The following DYNC2H1 variants were observed in gnomAD, a reference collection of about 807,000 sequenced individuals.
The protein encoded by DYNC2H1 is dynein cytoplasmic 2 heavy chain 1.
Under a neutral mutation model 570.0 loss-of-function variants are expected in DYNC2H1, and 410 were observed. The observed-to-expected ratio is 0.72, with a 90% CI of 0.66 to 0.78. The LOEUF (loss-of-function observed/expected upper bound fraction) is 0.78. Among genes scored for constraint, DYNC2H1 ranks in the 30% least tolerant of loss-of-function variants. DYNC2H1 has a pLI of 0.00. For missense variants in DYNC2H1, 4,865 were observed against 5,046.4 expected, an observed-to-expected ratio of 0.96 and a Z score of 1.09; for synonymous variants, 1,688 against 1,677.6, an observed-to-expected ratio of 1.01 and a Z score of -0.15.
rs1240002930 is a variant in DYNC2H1, at chr11:103,287,423, T to C, written c.11023-110T>C. 6 of 844,382 alleles carry C rather than the reference T, an allele frequency of 7.1e-6. No homozygotes were observed. The East Asian group carries it at 1.3e-4, about 19-fold the overall frequency. The allele number at this position is 844,382 out of a possible 1,614,324, so 52.3% of individuals were successfully genotyped here. ...GTAAATAATATGGAACAATGATAAG[T>C]GTTCCCATATTTAGTAAACATTTGT... On this transcript the variant is annotated intron_variant, in intron 74 of 88. Transcript: ENST00000375735.
chr11:103,172,638 A>G (rs753315801), intron 34 of DYNC2H1, among the ~76,000 whole-genome samples: 112 of 151,986 alleles, frequency 7.4e-4, no homozygotes, highest in Non-Finnish European at 1.4e-3. Context: ...CATAATATTT[A>G]TTACACTATG....
At chr11:103,456,436 G>C (rs1348785514) in intron 87 of DYNC2H1, 80 bp downstream of exon 87, 7 of 1,144,722 alleles carry the variant, frequency 6.1e-6, no homozygotes, top group South Asian at 1.4e-5. Flanking sequence ...TGATCTCAAA[G>C]TGACCTATCT....
Position 103,369,344 on chromosome 11 carries a change from G to A in DYNC2H1, c.12156+10985G>A, listed in dbSNP as rs962771045. Among the ~76,000 whole-genome samples the A allele has an allele frequency of 1.3e-5, 2 of 152,188 alleles. No homozygotes were observed. The highest frequency in any genetic ancestry group is 2.9e-5 in the Non-Finnish European group (2 of 68,044). On this transcript the variant is annotated intron_variant, in intron 83 of 88. Transcript: ENST00000375735. The surrounding 1 kb of genome is among the most constrained non-coding windows in gnomAD (Gnocchi z 4.0). ...GCAAGCCTCACCAAAGCAGGCGGAA[G>A]TACTCTGGGGCTCTAAATAATCTTG...
At chr11:103,459,809 G>A (rs1030010226) in intron 87 of DYNC2H1, among the ~76,000 whole-genome samples, 12 of 151,046 alleles carry the variant, frequency 7.9e-5, no homozygotes, top group East Asian at 7.8e-4. Context: ...AAAATTAGCC[G>A]GGCGCGGTGG....
At chr11:103,429,032 G>A (rs1367120507) in intron 84 of DYNC2H1, among the ~76,000 whole-genome samples, 2 of 122,796 alleles carry the variant, frequency 1.6e-5, no homozygotes, top group African/African-American at 3.5e-5. Flanking sequence ...AGGCCAAGGC[G>A]GGCAGATCAC....
At position 103,256,291 on chromosome 11, in the gene DYNC2H1, G is replaced by C; in HGVS notation, c.10461+51G>C. The stretch of plus-strand genomic sequence containing the variant: ...CGTATTATGTTTTCTTGAACATTTA[G>C]GTTAATATGATAGAAAATGTAGAAT... On this transcript the variant is annotated intron_variant, in intron 68 of 88. Coordinates refer to ENST00000375735, the MANE Select transcript of DYNC2H1 (RefSeq NM_001377.3). The surrounding 1 kb of genome is among the most constrained non-coding windows in gnomAD (Gnocchi z 4.0). The C allele has an allele frequency of 6.6e-7, 1 of 1,508,134 alleles. No homozygotes were observed. Among genetic ancestry groups the C allele is most frequent in the Non-Finnish European group, 8.9e-7 (1 of 1,119,544 alleles). The allele number at this position is 1,508,134 out of a possible 1,614,324, so 93.4% of individuals were successfully genotyped here.
chr11:103,224,450 G>C (rs929435174), intron 59 of DYNC2H1, among the ~76,000 whole-genome samples: 2 of 152,060 alleles, frequency 1.3e-5, no homozygotes, highest in Admixed American at 6.6e-5. Context: ...TCATTCTTAC[G>C]CCTTTGCGTC....
intron 82 of DYNC2H1, among the ~76,000 whole-genome samples, chr11:103,348,491 T>C (rs1939869740): frequency 6.6e-6 from 1 of 152,156 alleles, no homozygotes; most frequent in South Asian, 2.1e-4. Context: ...TGATTTCTTT[T>C]TTATCAGTAT....
chr11:103,291,393 G>A (rs188036112), intron 75 of DYNC2H1, among the ~76,000 whole-genome samples: 5 of 152,196 alleles, frequency 3.3e-5, no homozygotes, highest in Admixed American at 6.5e-5. Context: ...AGCTGAGATC[G>A]TGTCACTGCA....
chr11:103,311,612 C>G lies in DYNC2H1; in HGVS notation c.11494-266C>G, dbSNP rs2566947. 0.11 allele frequency among the ~76,000 whole-genome samples: 16,467 copies of G among 151,758 alleles called. 1,531 individuals carry two copies. The highest frequency in any genetic ancestry group is 0.24 in the African/African-American group (9,998 of 41,366). ...GGAAAAAAAAAACCTCTCAATCATC[C>G]TATAAAACTTATTTGGTTATTTTGA... On this transcript the variant is annotated intron_variant, in intron 78 of 88. Transcript: ENST00000375735.
intron 88 of DYNC2H1, 111 bp downstream of exon 88, chr11:103,468,816 A>C: frequency 5.1e-6 from 4 of 779,274 alleles, no homozygotes; most frequent in Non-Finnish European, 7.9e-6. Flanking sequence ...TTCTAATCTC[A>C]CCTGCATTTG....
intron 87 of DYNC2H1, among the ~76,000 whole-genome samples, chr11:103,459,386 T>G (rs945791004): frequency 6.6e-6 from 1 of 151,852 alleles, no homozygotes; most frequent in African/African-American, 2.4e-5. Flanking sequence ...GTTTTCGTAT[T>G]ACTACTATTT....
Position 103,334,768 on chromosome 11 carries a change from A to G in DYNC2H1, c.12039+10778A>G, listed in dbSNP as rs1373750012. Among the ~76,000 whole-genome samples the G allele has an allele frequency of 1.3e-5, 2 of 152,084 alleles. No homozygotes were observed. Among genetic ancestry groups the G allele is most frequent in the African/African-American group, 4.8e-5 (2 of 41,436 alleles). On this transcript the variant is annotated intron_variant, in intron 82 of 88. Transcript: ENST00000375735. This position sits in a 1 kb window ranked among gnomAD's most constrained non-coding sequence, Gnocchi z 4.3. ...GAGAGGATTTTTGTTTCATGATAGA[A>G]TTGACTGCTTGTAGAACAAAGACCA... is the stretch of plus-strand genomic sequence containing the variant.
rs949519070 is a variant in DYNC2H1 at position 103,326,452 on chromosome 11, A to C, written c.12039+2462A>C. ...CGAACCGCCTCTGTGCTGGCCCACA[A>C]ACCTGCACGTCCCACCCCTCTCAGT... is the stretch of plus-strand genomic sequence containing the variant. On this transcript the variant is annotated intron_variant, in intron 82 of 88. Coordinates refer to ENST00000375735, the MANE Select transcript of DYNC2H1 (RefSeq NM_001377.3). The surrounding 1 kb of genome is among the most constrained non-coding windows in gnomAD (Gnocchi z 6.1). Among the ~76,000 whole-genome samples the C allele has an allele frequency of 1.3e-5, 2 of 152,050 alleles. No homozygotes were observed. Among genetic ancestry groups the C allele is most frequent in the Non-Finnish European group, 2.9e-5 (2 of 68,000 alleles).
chr11:103,282,849 T>C (rs1446613710), intron 72 of DYNC2H1, among the ~76,000 whole-genome samples, 159 bp from the exon 73 acceptor site: 6 of 152,086 alleles, frequency 3.9e-5, no homozygotes, highest in Admixed American at 3.9e-4. Context: ...TTATGTTACA[T>C]AGAATTTTAC....
At position 103,256,860 on chromosome 11, in the gene DYNC2H1, G is replaced by A. The variant is rs537741102; in HGVS notation, c.10461+620G>A. Among the ~76,000 whole-genome samples, 12 of 152,096 alleles carry A rather than the reference G, an allele frequency of 7.9e-5. No individual in the cohort carries two copies. The highest frequency in any genetic ancestry group is 2.9e-4 in the African/African-American group (12 of 41,484). ...TGATTCTCTTTTGAAATGTAAAATT[G>A]GATCATCTATTCTCTGATCACAAAT... is the stretch of plus-strand genomic sequence containing the variant. On this transcript the variant is annotated intron_variant, in intron 68 of 88. Transcript: ENST00000375735. The surrounding 1 kb of genome is among the most constrained non-coding windows in gnomAD (Gnocchi z 4.0).
chr11:103,278,204 T>C (rs1865985368), intron 70 of DYNC2H1, among the ~76,000 whole-genome samples: 1 of 152,214 alleles, frequency 6.6e-6, no homozygotes, highest in African/African-American at 2.4e-5. Flanking sequence ...GCTGATTTTC[T>C]ATCTTAATTT....
chr11:103,345,473 A>G (rs976463042), intron 82 of DYNC2H1, among the ~76,000 whole-genome samples: 7 of 152,168 alleles, frequency 4.6e-5, no homozygotes, highest in African/African-American at 1.7e-4. Flanking sequence ...TAATCCTACT[A>G]GTACTTGGTA....
chr11:103,352,740 C>T (rs550000308), intron 82 of DYNC2H1, among the ~76,000 whole-genome samples: 7 of 152,224 alleles, frequency 4.6e-5, no homozygotes, highest in Admixed American at 1.3e-4. Context: ...GACAGTGTGG[C>T]GATTCCTCAA....
Sources: allele counts gnomAD v4.1 joint callset (sites outside exome capture counted in the v4.1 genomes callset), GRCh38; gene constraint gnomAD v4.1.1; non-coding constraint Gnocchi (gnomAD v3.1); transcripts MANE v1.5; gene names NCBI Gene and HGNC (gene_info 2026-07-23, HGNC 2026-07-21).